NLGN1: variants seen among roughly 807,000 people sequenced by gnomAD.
The protein encoded by NLGN1 is neuroligin-1.
In NLGN1, 12 loss-of-function variants were observed where a neutral mutation model predicts 65.5. The observed-to-expected ratio is 0.18, with a 90% confidence interval of 0.12 to 0.30. The LOEUF is 0.30. Among genes scored for constraint, NLGN1 ranks in the 10% least tolerant of loss-of-function variants. NLGN1 has a pLI of 1.00. For synonymous variants in NLGN1, 350 were observed against 359.5 expected, an observed-to-expected ratio of 0.97 and a Z score of 0.30; for missense variants, 750 against 1,007.1, an observed-to-expected ratio of 0.74 and a Z score of 3.46.
At chr3:173,915,049 A>G (rs761336689) in intron 4 of NLGN1, 6 of 152,204 alleles carry the variant, frequency 3.9e-5, no homozygotes, top group Non-Finnish European at 7.3e-5. Flanking sequence ...TTACACCTTC[A>G]GTTAGACTTG....
intron 3 of NLGN1, among the ~76,000 whole-genome samples, chr3:173,766,308 C>T (rs1171450921): frequency 2.0e-5 from 3 of 152,010 alleles, no homozygotes; most frequent in Admixed American, 6.6e-5. Context: ...AGGCTGGTCT[C>T]GAACACCTGG....
chr3:174,132,815 G>A (rs963752038), intron 4 of NLGN1, among the ~76,000 whole-genome samples: 8 of 152,170 alleles, frequency 5.3e-5, no homozygotes, highest in Non-Finnish European at 1.5e-5. Context: ...GAAAGAGATT[G>A]CATAAAGGGC....
chr3:173,449,139 T>C (rs1051587069), intron 2 of NLGN1, among the ~76,000 whole-genome samples: 12 of 152,146 alleles, frequency 7.9e-5, no homozygotes, highest in Non-Finnish European at 1.3e-4. Flanking sequence ...TCTCTAATTC[T>C]TTTAATTGTG....
intron 4 of NLGN1, among the ~76,000 whole-genome samples, chr3:174,004,601 G>A (rs1039843970): frequency 6.6e-6 from 1 of 152,114 alleles, no homozygotes; most frequent in Non-Finnish European, 1.5e-5. Flanking sequence ...GATAAATGTG[G>A]AAGAAGAATC....
chr3:173,985,814 G>A (rs1284046140), intron 4 of NLGN1, among the ~76,000 whole-genome samples: 1 of 152,038 alleles, frequency 6.6e-6, no homozygotes, highest in Non-Finnish European at 1.5e-5. Flanking sequence ...GCTGGGCTTG[G>A]TTGTGCATGC....
At chr3:173,993,883 T>C (rs1721678649) in intron 4 of NLGN1, among the ~76,000 whole-genome samples, 1 of 151,978 alleles carries the variant, frequency 6.6e-6, no homozygotes, top group Non-Finnish European at 1.5e-5. Flanking sequence ...TGTTTGTGTA[T>C]TTATATACAT....
chr3:173,424,232 C>T (rs977704221), intron 1 of NLGN1, among the ~76,000 whole-genome samples: 1 of 152,138 alleles, frequency 6.6e-6, no homozygotes, highest in Non-Finnish European at 1.5e-5. Context: ...GCCATTTTTC[C>T]CTCCTAGGCC....
chr3:173,440,130 T>A (rs1433316332), intron 2 of NLGN1, among the ~76,000 whole-genome samples: 1 of 152,158 alleles, frequency 6.6e-6, no homozygotes, highest in Admixed American at 6.6e-5. Flanking sequence ...TTTCATGTCT[T>A]TGACATCCAC....
chr3:174,144,275 A>G (rs9880095), intron 4 of NLGN1, among the ~76,000 whole-genome samples: 9,706 of 152,244 alleles, frequency 0.064, 413 homozygotes, highest in African/African-American at 0.11. Context: ...ATAGTATTCC[A>G]TGGTGTATAT....
At chr3:174,075,537 T>G (rs1740727395) in intron 4 of NLGN1, among the ~76,000 whole-genome samples, 1 of 152,182 alleles carries the variant, frequency 6.6e-6, no homozygotes, top group Non-Finnish European at 1.5e-5. Flanking sequence ...AACCTGACAG[T>G]ACGACTTGCC....
chr3:173,785,333 A>G (rs1336456707), intron 3 of NLGN1, among the ~76,000 whole-genome samples: 1 of 152,196 alleles, frequency 6.6e-6, no homozygotes, highest in African/African-American at 2.4e-5. Context: ...CCATCAATAT[A>G]TCTTGATAAT....
chr3:173,632,553 C>T (rs1190870280), intron 3 of NLGN1, among the ~76,000 whole-genome samples: 1 of 152,086 alleles, frequency 6.6e-6, no homozygotes, highest in African/African-American at 2.4e-5. Context: ...AAAAAAATGG[C>T]CTTGGTTCAT....
At chr3:173,920,503 A>T (rs955818981) in intron 4 of NLGN1, 2 of 152,178 alleles carry the variant, frequency 1.3e-5, no homozygotes, top group African/African-American at 4.8e-5. Flanking sequence ...GAAGGGACAG[A>T]TGCTACCATA....
intron 4 of NLGN1, among the ~76,000 whole-genome samples, chr3:174,218,232 T>A (rs1362956): frequency 6.6e-6 from 1 of 151,800 alleles, no homozygotes; most frequent in East Asian, 1.9e-4. Flanking sequence ...CATTCATTGA[T>A]TACCCTTTAC....
At chr3:173,887,412 T>A (rs1442270307) in intron 4 of NLGN1, among the ~76,000 whole-genome samples, 1 of 151,980 alleles carries the variant, frequency 6.6e-6, no homozygotes, top group Non-Finnish European at 1.5e-5. Flanking sequence ...AACCTATTAG[T>A]TTTAGTGATC....
intron 3 of NLGN1, among the ~76,000 whole-genome samples, chr3:173,681,551 G>A (rs1454998325): frequency 1.3e-5 from 2 of 152,130 alleles, no homozygotes; most frequent in African/African-American, 4.8e-5. Context: ...GTTTGCAATT[G>A]TGTACTCCCT....
intron 4 of NLGN1, among the ~76,000 whole-genome samples, chr3:174,100,276 TA>T (rs11431812): frequency 2.6e-3 from 376 of 145,758 alleles, no homozygotes; most frequent in Non-Finnish European, 3.2e-3. Flanking sequence ...ATACCTATGG[TA>T]AAAAAAAAAA....
At chr3:174,090,591 G>A (rs1462091167) in intron 4 of NLGN1, among the ~76,000 whole-genome samples, 3 of 152,172 alleles carry the variant, frequency 2.0e-5, no homozygotes, top group African/African-American at 7.2e-5. Flanking sequence ...CACTGAGAAG[G>A]TTGGTCATTT....
Position 174,033,423 on chromosome 3 carries a change from A to G in NLGN1, c.646+225591A>G, listed in dbSNP as rs141230399. ...TATTTGGCTTTCAAGGAAAACTTAC[A>G]ATGTATGCCTAAACCAAGAGAAAAG... is the stretch of plus-strand genomic sequence containing the variant. On this transcript the variant is annotated intron_variant, in intron 4 of 6. Coordinates refer to ENST00000457714, the Ensembl canonical transcript of NLGN1. Among the ~76,000 whole-genome samples the G allele has an allele frequency of 4.6e-3, 700 of 152,308 alleles. 5 individuals carry two copies. The Middle Eastern group carries it at 0.048, about 10-fold the overall frequency.
Sources: allele counts gnomAD v4.1 joint callset (sites outside exome capture counted in the v4.1 genomes callset), GRCh38; gene constraint gnomAD v4.1.1; transcripts MANE v1.5; gene names NCBI Gene and HGNC (gene_info 2026-07-23, HGNC 2026-07-21).